Variants in REDIC1 observed in about 807,000 individuals in gnomAD.
REDIC1 encodes the protein HEI10 Interacting Protein 1.
the REDIC1 span, among the ~76,000 whole-genome samples, chr12:39,846,219 T>C: frequency 1.3e-5 from 2 of 152,186 alleles, no homozygotes; most frequent in East Asian, 1.9e-4. Flanking sequence ...CTTTAAAGTA[T>C]ATCAACATAG....
the REDIC1 span, among the ~76,000 whole-genome samples, chr12:39,682,307 T>C: frequency 1.3e-5 from 2 of 152,124 alleles, no homozygotes; most frequent in African/African-American, 2.4e-5. Flanking sequence ...GTTTATTCTT[T>C]AGATTTTATT....
At chr12:39,858,112 G>A in the REDIC1 span, among the ~76,000 whole-genome samples, 1 of 152,288 alleles carries the variant, frequency 6.6e-6, no homozygotes, top group East Asian at 1.9e-4. Context: ...CCTCCAAGAA[G>A]CTCTTGTATC....
the REDIC1 span, among the ~76,000 whole-genome samples, chr12:39,741,822 C>T: frequency 6.6e-6 from 1 of 152,110 alleles, no homozygotes; most frequent in African/African-American, 2.4e-5. Flanking sequence ...AACTTGAGGT[C>T]AGCGGAAAGA....
the REDIC1 span, among the ~76,000 whole-genome samples, chr12:39,705,880 C>A: frequency 6.6e-6 from 1 of 152,036 alleles, no homozygotes; most frequent in Non-Finnish European, 1.5e-5. Flanking sequence ...AACTGAAAGG[C>A]TTTCCTCTAA....
At chr12:39,839,629 T>C in the REDIC1 span, among the ~76,000 whole-genome samples, 1 of 152,048 alleles carries the variant, frequency 6.6e-6, no homozygotes, top group Non-Finnish European at 1.5e-5. Flanking sequence ...TCCCTTTGTT[T>C]CTCCCACCTC....
the REDIC1 span, among the ~76,000 whole-genome samples, chr12:39,719,601 G>T: frequency 6.6e-6 from 1 of 151,974 alleles, no homozygotes; most frequent in Non-Finnish European, 1.5e-5. Flanking sequence ...GCAATGGAGT[G>T]AGACCCTGTC....
chr12:39,792,973 T>A, the REDIC1 span, among the ~76,000 whole-genome samples: 1 of 152,178 alleles, frequency 6.6e-6, no homozygotes, highest in Non-Finnish European at 1.5e-5. Context: ...ATCTACATTT[T>A]CCTTTATGCC....
the REDIC1 span, among the ~76,000 whole-genome samples, chr12:39,687,589 A>T: frequency 5.3e-5 from 8 of 152,204 alleles, no homozygotes; most frequent in African/African-American, 1.9e-4. Context: ...AGGAGAAACT[A>T]CTTCCCATGA....
At chr12:39,649,921 T>G in the REDIC1 span, among the ~76,000 whole-genome samples, 1 of 151,990 alleles carries the variant, frequency 6.6e-6, no homozygotes, top group African/African-American at 2.4e-5. Flanking sequence ...GAAATTTAAC[T>G]TACAATTATT....
the REDIC1 span, chr12:39,682,669 A>G: frequency 2.5e-6 from 4 of 1,611,278 alleles, no homozygotes; most frequent in African/African-American, 4.0e-5. Flanking sequence ...TGAAGATTGT[A>G]GAAGCACGGA....
chr12:39,681,461 C>T, the REDIC1 span, among the ~76,000 whole-genome samples: 2 of 152,098 alleles, frequency 1.3e-5, no homozygotes, highest in Non-Finnish European at 2.9e-5. Context: ...TTCCCAAAAA[C>T]TATTGAAAGA....
the REDIC1 span, among the ~76,000 whole-genome samples, chr12:39,849,299 G>A: frequency 2.6e-5 from 4 of 152,174 alleles, no homozygotes; most frequent in African/African-American, 4.8e-5. Flanking sequence ...ATTGGTGAAT[G>A]CAGCATTTAG....
chr12:39,754,075 A>AATCT, the REDIC1 span, among the ~76,000 whole-genome samples: 1 of 152,110 alleles, frequency 6.6e-6, no homozygotes. Context: ...TTCTGTTTTT[A>AATCT]ATCTATCTGC....
the REDIC1 span, among the ~76,000 whole-genome samples, chr12:39,807,897 T>C: frequency 6.6e-6 from 1 of 151,700 alleles, no homozygotes; most frequent in East Asian, 1.9e-4. Context: ...AGAATTAGTC[T>C]GCCCTTTGAA....
the REDIC1 span, among the ~76,000 whole-genome samples, chr12:39,663,301 A>G: frequency 2.0e-5 from 3 of 151,180 alleles, no homozygotes; most frequent in Non-Finnish European, 4.4e-5. Context: ...TGTTGGGTGC[A>G]TATATATATA....
the REDIC1 span, among the ~76,000 whole-genome samples, chr12:39,872,937 C>T: frequency 1.3e-5 from 2 of 152,148 alleles, no homozygotes; most frequent in African/African-American, 2.4e-5. Context: ...TTAAATCAGG[C>T]TGAATATTTC....
chr12:39,860,067 C>T, the REDIC1 span, among the ~76,000 whole-genome samples: 8 of 152,086 alleles, frequency 5.3e-5, no homozygotes, highest in Non-Finnish European at 8.8e-5. Flanking sequence ...GCTGTTGTGT[C>T]GTTGGTTTCA....
At chr12:39,665,959 A>G in the REDIC1 span, among the ~76,000 whole-genome samples, 1 of 152,222 alleles carries the variant, frequency 6.6e-6, no homozygotes, top group Non-Finnish European at 1.5e-5. Flanking sequence ...TATCAGCTTA[A>G]GGAGATTTTG....
the REDIC1 span, among the ~76,000 whole-genome samples, chr12:39,880,011 A>G: frequency 2.6e-5 from 4 of 152,052 alleles, no homozygotes; most frequent in African/African-American, 9.7e-5. Context: ...TACAAGACAC[A>G]GTCATTTAAA....
Sources: allele counts gnomAD v4.1 joint callset (sites outside exome capture counted in the v4.1 genomes callset), GRCh38; gene constraint gnomAD v4.1.1; transcripts MANE v1.5; gene names NCBI Gene and HGNC (gene_info 2026-07-23, HGNC 2026-07-21).